PEX5L: variants seen among roughly 807,000 people sequenced by gnomAD.
PEX5L encodes the protein peroxisomal biogenesis factor 5 like.
A neutral mutation model predicts 84.0 loss-of-function variants in PEX5L; 30 were observed. The observed-to-expected ratio is 0.36, with a 90% CI of 0.27 to 0.48. The LOEUF is 0.48. PEX5L is among the 20% of genes least tolerant of loss of function. The pLI, the probability that PEX5L is intolerant of heterozygous loss-of-function variation, is 0.99. For synonymous variants in PEX5L, 270 were observed against 283.1 expected (o/e 0.95, Z 0.46); for missense variants, 533 against 754.6 (o/e 0.71, Z 3.44).
chr3:179,935,098 A>T (rs1046109211), intron 2 of PEX5L, among the ~76,000 whole-genome samples: 2 of 151,488 alleles, frequency 1.3e-5, no homozygotes, highest in African/African-American at 4.8e-5. Flanking sequence ...GTAGTGGCAA[A>T]GGGGCAGAGG....
In PEX5L at chr3:179,809,467, A is replaced by G; in HGVS notation, c.1352+4T>C. 3 of 1,608,508 alleles carry G rather than the reference A, an allele frequency of 1.9e-6. No homozygotes were observed. Among genetic ancestry groups the G allele is most frequent in the Non-Finnish European group, 2.6e-6 (3 of 1,174,848 alleles). On this transcript the variant is annotated splice_donor_region_variant and intron_variant, in intron 12 of 14. Coordinates refer to ENST00000467460, the MANE Select transcript of PEX5L (RefSeq NM_016559.3). Reference sequence around the variant, plus strand: ...TGCCAGCTGTAATATAACGAGAAGGATACCTATCAACTGGGGACTTAGACA... The same window carrying G: ...TGCCAGCTGTAATATAACGAGAAGGGTACCTATCAACTGGGGACTTAGACA...
At chr3:179,967,851 C>T (rs1301743941) in intron 2 of PEX5L, among the ~76,000 whole-genome samples, 4 of 152,146 alleles carry the variant, frequency 2.6e-5, no homozygotes, top group Non-Finnish European at 4.4e-5. Flanking sequence ...TCAGGCTGCA[C>T]GCATCTCAGA....
chr3:179,968,037 G>C (rs1056095159), intron 2 of PEX5L, among the ~76,000 whole-genome samples: 11 of 152,218 alleles, frequency 7.2e-5, no homozygotes, highest in Non-Finnish European at 1.5e-4. Context: ...TAAAGGCTAT[G>C]AAACTGCAAC....
At position 179,797,604 on chromosome 3, in the gene PEX5L, A is replaced by T. The variant is rs1296796471; in HGVS notation, c.*4224T>A. The T allele has an allele frequency of 1.1e-5, 1 of 93,318 alleles. No individual in the cohort carries two copies. Among genetic ancestry groups the T allele is most frequent in the Non-Finnish European group, 2.2e-5 (1 of 46,336 alleles). 5.8% of individuals were successfully genotyped at this position (93,318 alleles called of 1,614,324 possible). A position where few individuals can be genotyped will look rare whatever the true frequency, so the allele number is the denominator to read the frequency against. Reference sequence around the variant, plus strand: ...GAACACTCTTTAAAAAAAAAAAAAAAAATATATATATATATATATATATAT... The same window carrying T: ...GAACACTCTTTAAAAAAAAAAAAAATAATATATATATATATATATATATAT... On this transcript the variant is annotated 3_prime_UTR_variant, in exon 15 of 15. Transcript: ENST00000467460.
At chr3:179,912,119 CTG>C (rs1366328467) in intron 2 of PEX5L, among the ~76,000 whole-genome samples, 2 of 152,114 alleles carry the variant, frequency 1.3e-5, no homozygotes, top group Admixed American at 1.3e-4. Context: ...ACATGATTGC[CTG>C]TATCTCTCTA....
chr3:179,807,595 T>A (rs1049184251), intron 14 of PEX5L, 79 bp downstream of exon 14: 15 of 1,391,760 alleles, frequency 1.1e-5, no homozygotes, highest in Middle Eastern at 1.9e-4. Context: ...CAGGCATTTT[T>A]ACTTGGAAAC....
At chr3:179,950,187 G>T (rs1446308829) in intron 2 of PEX5L, among the ~76,000 whole-genome samples, 1 of 152,160 alleles carries the variant, frequency 6.6e-6, no homozygotes, top group Non-Finnish European at 1.5e-5. Context: ...TGTGGTGCTT[G>T]GTCCTAGCAT....
intron 8 of PEX5L, among the ~76,000 whole-genome samples, chr3:179,838,491 T>C (rs1735840886): frequency 6.6e-6 from 1 of 152,236 alleles, no homozygotes; most frequent in Non-Finnish European, 1.5e-5. Context: ...TTGCTTCTGA[T>C]AAGTTCTGTG....
At chr3:179,819,575 T>C (rs1294538173) in intron 9 of PEX5L, among the ~76,000 whole-genome samples, 3 of 152,200 alleles carry the variant, frequency 2.0e-5, no homozygotes, top group Non-Finnish European at 2.9e-5. Context: ...CAGTGTCAGC[T>C]AGTTCAGTAA....
At chr3:179,825,434 C>G (rs931791113) in intron 8 of PEX5L, among the ~76,000 whole-genome samples, 1 of 152,134 alleles carries the variant, frequency 6.6e-6, no homozygotes, top group African/African-American at 2.4e-5. Context: ...TCTTTGGTCT[C>G]TAACAACTGT....
rs767958482 is a variant in PEX5L at position 179,875,444 on chromosome 3, A to ACATCGTC, written c.532_538dup (p.Val180GlyfsTer4). On this transcript the variant is annotated frameshift_variant, in exon 6 of 15. Coordinates refer to ENST00000467460, the MANE Select transcript of PEX5L (RefSeq NM_016559.3). LOFTEE classifies it high-confidence loss of function. Reference sequence around the variant, plus strand: ...GGTATTTCGATCTCCATGAAACTTAACATCGTCCCATTTTTCCAGTTGTGT... The same window carrying ACATCGTC: ...GGTATTTCGATCTCCATGAAACTTAACATCGTCCATCGTCCCATTTTTCCAGTTGTGT... 6.2e-7 allele frequency: 1 copy of ACATCGTC among 1,613,768 alleles called. No individual in the cohort carries two copies.
intron 2 of PEX5L, among the ~76,000 whole-genome samples, chr3:179,908,566 C>T (rs898299298): frequency 6.6e-6 from 1 of 151,562 alleles, no homozygotes. Flanking sequence ...TGTGCTGCAC[C>T]CCTTAACTCA....
At chr3:179,971,191 CTT>C (rs1491404001) in intron 2 of PEX5L, among the ~76,000 whole-genome samples, 5 of 151,960 alleles carry the variant, frequency 3.3e-5, no homozygotes, top group Admixed American at 6.6e-5. Flanking sequence ...AGTTTTCTCT[CTT>C]TCTCTCTCTC....
intron 2 of PEX5L, among the ~76,000 whole-genome samples, chr3:179,959,221 T>C (rs951193199): frequency 1.3e-5 from 2 of 152,134 alleles, no homozygotes; most frequent in Non-Finnish European, 2.9e-5. Flanking sequence ...TTGGTAATTG[T>C]TCCCAAAGCC....
intron 8 of PEX5L, among the ~76,000 whole-genome samples, chr3:179,834,268 C>G (rs1734183376): frequency 6.6e-6 from 1 of 152,220 alleles, no homozygotes; most frequent in African/African-American, 2.4e-5. Context: ...TCTGGGCCAC[C>G]AAGGAGTGAG....
At chr3:179,806,604 T>C (rs1315915688) in intron 14 of PEX5L, among the ~76,000 whole-genome samples, 4 of 152,220 alleles carry the variant, frequency 2.6e-5, no homozygotes, top group Middle Eastern at 3.2e-3. Flanking sequence ...AATCTAGTTA[T>C]ACAGTTCTCT....
chr3:179,816,546 G>A (rs143341949), intron 9 of PEX5L, among the ~76,000 whole-genome samples: 217 of 152,038 alleles, frequency 1.4e-3, no homozygotes, highest in African/African-American at 4.9e-3. Context: ...ATGAGAACAC[G>A]TGGACACAGG....
intron 8 of PEX5L, among the ~76,000 whole-genome samples, chr3:179,833,856 CTTA>C (rs145492695): frequency 6.6e-6 from 1 of 151,994 alleles, no homozygotes; most frequent in Admixed American, 6.6e-5. Context: ...AAATTTTTTA[CTTA>C]TTATTATTAT....
At chr3:179,882,328 G>A (rs1316099526) in intron 4 of PEX5L, among the ~76,000 whole-genome samples, 1 of 152,180 alleles carries the variant, frequency 6.6e-6, no homozygotes, top group Non-Finnish European at 1.5e-5. Context: ...ATTACTAAAA[G>A]GGTGAACTGT....
Sources: allele counts gnomAD v4.1 joint callset (sites outside exome capture counted in the v4.1 genomes callset), GRCh38; gene constraint gnomAD v4.1.1; transcripts MANE v1.5; gene names NCBI Gene and HGNC (gene_info 2026-07-23, HGNC 2026-07-21).